FOXP4: variants seen among roughly 807,000 people sequenced by gnomAD.
FOXP4 encodes the protein forkhead box protein P4.
Under a neutral mutation model 82.6 loss-of-function variants are expected in FOXP4, and 25 were observed. The ratio of observed to expected loss-of-function variants is 0.30; its 90% CI spans 0.22 to 0.42. The LOEUF (loss-of-function observed/expected upper bound fraction) is 0.42. Ranked by LOEUF, FOXP4 falls within the 10% of genes least tolerant of loss-of-function variation. The pLI is 1.00. For missense variants in FOXP4, 785 were observed against 900.9 expected, an observed-to-expected ratio of 0.87 and a Z score of 1.65; for synonymous variants, 415 against 388.2, an observed-to-expected ratio of 1.07 and a Z score of -0.81.
chr6:41,589,466 A>T (rs1412419921), intron 9 of FOXP4, among the ~76,000 whole-genome samples: 2 of 152,224 alleles, frequency 1.3e-5, no homozygotes, highest in Non-Finnish European at 2.9e-5. Flanking sequence ...GTGGGTGGGT[A>T]GGAAGAAGCC....
chr6:41,598,002 G>A, intron 16 of FOXP4, 52 bp downstream of exon 16: 2 of 1,351,426 alleles, frequency 1.5e-6, no homozygotes, highest in East Asian at 3.0e-5. Flanking sequence ...CAACCACCAG[G>A]GAGGAGGCGT....
chr6:41,555,583 G>A lies in FOXP4; in HGVS notation c.-17+8716G>A, dbSNP rs971618559. On this transcript the variant is annotated intron_variant, in intron 1 of 16. Transcript: ENST00000307972. ...GGTGCCAAAGGCACCACCAGAACCA[G>A]GCTCCAGATGGCCATTCAGGCCCTG... 3.9e-5 allele frequency among the ~76,000 whole-genome samples: 6 copies of A among 152,202 alleles called. No homozygotes were observed. In the East Asian group the frequency reaches 9.6e-4, roughly 24 times the overall value.
At chr6:41,584,690 C>T (rs1013239731) in intron 3 of FOXP4, 79 bp from the exon 4 acceptor site, 15 of 1,465,526 alleles carry the variant, frequency 1.0e-5, no homozygotes, top group African/African-American at 1.4e-5. Context: ...CACTCTGCCA[C>T]GCTGAGAGTG....
intron 2 of FOXP4, among the ~76,000 whole-genome samples, chr6:41,567,600 G>A (rs1764955631): frequency 6.6e-6 from 1 of 152,210 alleles, no homozygotes; most frequent in Non-Finnish European, 1.5e-5. Flanking sequence ...ACAGAGTTAT[G>A]AAGAATTTTA....
At chr6:41,557,563 T>C (rs949419351) in intron 1 of FOXP4, among the ~76,000 whole-genome samples, 1 of 152,176 alleles carries the variant, frequency 6.6e-6, no homozygotes, top group Admixed American at 6.5e-5. Context: ...TGTGTGACCA[T>C]TAGAAACTGT....
chr6:41,566,309 G>A (rs1764877473), intron 2 of FOXP4, among the ~76,000 whole-genome samples: 2 of 152,234 alleles, frequency 1.3e-5, no homozygotes, highest in Non-Finnish European at 2.9e-5. Context: ...CTCTTCACCT[G>A]CACACTGGCT....
chr6:41,578,009 C>G lies in FOXP4; in HGVS notation c.228C>G (p.Phe76Leu). Residue 76 changes from phenylalanine (F) to leucine (L), a missense_variant, in exon 3 of 17, where the codon TTC becomes TTG. Phe to Leu is a conservative substitution (Grantham distance 22, BLOSUM62 0). Coordinates refer to ENST00000307972, the MANE Select transcript of FOXP4 (RefSeq NM_001012426.2). ...QQQALQVARQ[F>L]LLQQASGLSS... Reference sequence around the variant, plus strand: ...AGGCTCTCCAAGTGGCCCGGCAGTTCCTGCTGCAGCAGGCCTCAGGCCTGA... The same window carrying G: ...AGGCTCTCCAAGTGGCCCGGCAGTTGCTGCTGCAGCAGGCCTCAGGCCTGA... 6.2e-7 allele frequency: 1 copy of G among 1,613,076 alleles called. No individual in the cohort carries two copies.
In FOXP4 at chr6:41,590,353, C is replaced by T. The variant is rs1766436159; in HGVS notation, c.1434+6C>T. On this transcript the variant is annotated splice_donor_region_variant and intron_variant, in intron 12 of 16. Transcript: ENST00000307972. ...ACGCCTCCCTCATCCGCCAGGTGAG[C>T]AGGGCAGGTAGGAGGAGGGTGGGGA... is the stretch of plus-strand genomic sequence containing the variant. The T allele has an allele frequency of 2.5e-6, 4 of 1,613,466 alleles. No individual in the cohort carries two copies. The highest frequency in any genetic ancestry group is 3.4e-6 in the Non-Finnish European group (4 of 1,179,800).
chr6:41,560,794 G>A (rs975884728), intron 1 of FOXP4, among the ~76,000 whole-genome samples: 4 of 152,252 alleles, frequency 2.6e-5, no homozygotes, highest in Non-Finnish European at 5.9e-5. Flanking sequence ...CAAATGTTAC[G>A]GCTCAGATTA....
At chr6:41,597,538 C>T (rs1201100794) in intron 15 of FOXP4, among the ~76,000 whole-genome samples, 6 of 152,096 alleles carry the variant, frequency 3.9e-5, no homozygotes, top group African/African-American at 1.4e-4. Context: ...GGGGATAAGC[C>T]AGGCCCAGGT....
chr6:41,586,964 G>C, intron 5 of FOXP4, 45 bp from the exon 6 acceptor site: 2 of 1,535,822 alleles, frequency 1.3e-6, no homozygotes, highest in African/African-American at 1.4e-5. Flanking sequence ...CATGCCTGAA[G>C]CTGATGGCAC....
chr6:41,567,660 T>G (rs75054579), intron 2 of FOXP4, among the ~76,000 whole-genome samples: 2,105 of 152,274 alleles, frequency 0.014, 17 homozygotes, highest in Non-Finnish European at 0.02. Flanking sequence ...TTTAAAAAAT[T>G]TCTGAAAATG....
At chr6:41,550,369 G>A (rs1311084807) in intron 1 of FOXP4, among the ~76,000 whole-genome samples, 1 of 152,232 alleles carries the variant, frequency 6.6e-6, no homozygotes, top group African/African-American at 2.4e-5. Flanking sequence ...TACTGATCAA[G>A]GGATGGCGTT....
At chr6:41,551,355 G>C in intron 1 of FOXP4, among the ~76,000 whole-genome samples, 1 of 152,186 alleles carries the variant, frequency 6.6e-6, no homozygotes, top group East Asian at 1.9e-4. Context: ...CTGGTCCCAG[G>C]ATCCCTCTTG....
rs1767081833 is a variant in FOXP4, at chr6:41,599,335, C to T, written c.*399C>T. Reference sequence around the variant, plus strand: ...CCCTCAAACCCAGGGCCCCCTGGCACCTGGCTCTGGCCGTGTTTTCTGGCC... The same window carrying T: ...CCCTCAAACCCAGGGCCCCCTGGCATCTGGCTCTGGCCGTGTTTTCTGGCC... On this transcript the variant is annotated 3_prime_UTR_variant, in exon 17 of 17. Transcript: ENST00000307972. 1 of 168,230 alleles carries T rather than the reference C, an allele frequency of 5.9e-6. No homozygotes were observed. Among genetic ancestry groups the T allele is most frequent in the Non-Finnish European group, 1.3e-5 (1 of 77,324 alleles). The allele number at this position is 168,230 out of a possible 1,614,324, so 10.4% of individuals were successfully genotyped here. A position where few individuals can be genotyped will look rare whatever the true frequency, so the allele number is the denominator to read the frequency against.
chr6:41,588,820 G>C, intron 9 of FOXP4, 89 bp downstream of exon 9: 3 of 1,446,974 alleles, frequency 2.1e-6, no homozygotes, highest in Non-Finnish European at 2.9e-6. Flanking sequence ...GCTCTGTTGG[G>C]AGGGTCTCAT....
intron 14 of FOXP4, among the ~76,000 whole-genome samples, chr6:41,595,489 T>G (rs1354789258): frequency 4.6e-5 from 7 of 152,276 alleles, no homozygotes; most frequent in African/African-American, 1.7e-4. Flanking sequence ...GTGGCAGAGC[T>G]GGTTCCAGGA....
chr6:41,591,381 A>G lies in FOXP4; in HGVS notation c.1536+59A>G. 1 of 1,382,496 alleles carries G rather than the reference A, an allele frequency of 7.2e-7. No homozygotes were observed. 85.6% of individuals were successfully genotyped at this position (1,382,496 alleles called of 1,614,324 possible). On this transcript the variant is annotated intron_variant, in intron 13 of 16. Transcript: ENST00000307972. This position sits in a 1 kb window ranked among gnomAD's most constrained non-coding sequence, Gnocchi z 4.2. ...GTCACCCTTGGACCTGCCATATCCC[A>G]TGGAGACCAAGGCTGCCTAACAATT...
intron 2 of FOXP4, among the ~76,000 whole-genome samples, chr6:41,573,432 C>T (rs1765308928): frequency 6.6e-6 from 1 of 152,120 alleles, no homozygotes; most frequent in African/African-American, 2.4e-5. Context: ...CCGTTATAAG[C>T]CATTTGTTCC....
Sources: allele counts gnomAD v4.1 joint callset (sites outside exome capture counted in the v4.1 genomes callset), GRCh38; gene constraint gnomAD v4.1.1; non-coding constraint Gnocchi (gnomAD v3.1); transcripts MANE v1.5; gene names NCBI Gene and HGNC (gene_info 2026-07-23, HGNC 2026-07-21).